ROR1: variants seen among roughly 807,000 people sequenced by gnomAD.
ROR1 encodes the protein inactive tyrosine-protein kinase transmembrane receptor ROR1.
In ROR1, 19 loss-of-function variants were observed where a neutral mutation model predicts 78.8. The ratio of observed to expected loss-of-function variants is 0.24; its 90% confidence interval spans 0.17 to 0.35. The LOEUF (loss-of-function observed/expected upper bound fraction) is 0.35. Ranked by LOEUF, ROR1 falls within the 10% of genes least tolerant of loss-of-function variation. The pLI, the probability that ROR1 is intolerant of heterozygous loss-of-function variation, is 1.00. For synonymous variants in ROR1, 386 were observed against 433.6 expected (o/e 0.89, Z 1.36); for missense variants, 917 against 1,177.8 (o/e 0.78, Z 3.24).
intron 1 of ROR1, among the ~76,000 whole-genome samples, chr1:63,990,522 T>C (rs772318687): frequency 1.3e-5 from 2 of 152,228 alleles, no homozygotes; most frequent in Non-Finnish European, 2.9e-5. Flanking sequence ...CTCATCTAAA[T>C]GTCTTTTCTT....
intron 1 of ROR1, among the ~76,000 whole-genome samples, chr1:63,913,806 C>T (rs1165492078): frequency 6.6e-6 from 1 of 152,174 alleles, no homozygotes; most frequent in African/African-American, 2.4e-5. Flanking sequence ...GGGAGGATGG[C>T]ATGACCAAGG....
chr1:63,821,191 C>T (rs1644921249), intron 1 of ROR1, among the ~76,000 whole-genome samples: 1 of 152,260 alleles, frequency 6.6e-6, no homozygotes, highest in Admixed American at 6.5e-5. Flanking sequence ...CACATTTAAC[C>T]ATGCTGTCCT....
At chr1:63,942,751 C>T (rs855937) in intron 1 of ROR1, among the ~76,000 whole-genome samples, 101,681 of 152,012 alleles carry the variant, frequency 0.67, 38,034 homozygotes, top group East Asian at 0.94. Flanking sequence ...TATTCTACCT[C>T]CTACTCTTCC....
At chr1:63,948,975 G>A (rs1645912343) in intron 1 of ROR1, among the ~76,000 whole-genome samples, 1 of 152,188 alleles carries the variant, frequency 6.6e-6, no homozygotes, top group Non-Finnish European at 1.5e-5. Context: ...AAGACACACA[G>A]TAAATTTTTC....
intron 8 of ROR1, among the ~76,000 whole-genome samples, chr1:64,164,595 C>CT (rs1232099699): frequency 1.3e-5 from 2 of 151,886 alleles, no homozygotes; most frequent in East Asian, 1.9e-4. Flanking sequence ...GAGTACAGAT[C>CT]TTTTTTTTAA....
At chr1:64,125,152 C>T (rs982117066) in intron 4 of ROR1, among the ~76,000 whole-genome samples, 2 of 152,122 alleles carry the variant, frequency 1.3e-5, no homozygotes, top group Admixed American at 6.6e-5. Context: ...GAACACTAAA[C>T]GTTTTTACGT....
chr1:63,972,267 C>A (rs543691967), intron 1 of ROR1, among the ~76,000 whole-genome samples: 13 of 152,236 alleles, frequency 8.5e-5, no homozygotes, highest in African/African-American at 2.9e-4. Flanking sequence ...AGGAATGTAG[C>A]ATTTTCATCC....
Position 63,961,418 on chromosome 1 carries a change from A to G in ROR1, c.92-47887A>G, listed in dbSNP as rs540024127. ...TATTGCTGCAGTATTCACAGTAGTCATAATATGGAATCAACCTAAGTGTCC... is the reference window on the plus strand; with the variant it reads ...TATTGCTGCAGTATTCACAGTAGTCGTAATATGGAATCAACCTAAGTGTCC... On this transcript the variant is annotated intron_variant, in intron 1 of 8. Coordinates refer to ENST00000371079, the MANE Select transcript of ROR1 (RefSeq NM_005012.4). 5.9e-5 allele frequency among the ~76,000 whole-genome samples: 9 copies of G among 152,354 alleles called. No homozygotes were observed. The South Asian group carries it at 1.9e-3, about 32-fold the overall frequency.
intron 5 of ROR1, 69 bp downstream of exon 5, chr1:64,137,565 G>A: frequency 4.7e-6 from 7 of 1,487,644 alleles, no homozygotes; most frequent in Non-Finnish European, 5.5e-6. Context: ...GTTTTATTGA[G>A]CTCCTCTCTT....
chr1:63,937,795 C>T (rs1459873299), intron 1 of ROR1, among the ~76,000 whole-genome samples: 2 of 152,158 alleles, frequency 1.3e-5, no homozygotes, highest in Non-Finnish European at 2.9e-5. Flanking sequence ...GTTCATGTGA[C>T]ATGGATTGCA....
intron 1 of ROR1, among the ~76,000 whole-genome samples, chr1:63,940,257 A>G (rs1645825497): frequency 6.6e-6 from 1 of 152,156 alleles, no homozygotes. Flanking sequence ...GGAAGGTACA[A>G]ATTAAGCCTG....
intron 1 of ROR1, among the ~76,000 whole-genome samples, chr1:63,908,775 T>TG (rs954335356): frequency 2.6e-5 from 4 of 152,206 alleles, no homozygotes; most frequent in African/African-American, 9.6e-5. Flanking sequence ...CAGCTCAGTC[T>TG]GCGTAGCTCC....
At chr1:64,046,345 T>A (rs917828108) in intron 2 of ROR1, among the ~76,000 whole-genome samples, 1 of 150,882 alleles carries the variant, frequency 6.6e-6, no homozygotes, top group Non-Finnish European at 1.5e-5. Context: ...ATTTGAAACT[T>A]CTTCTTCGTC....
At chr1:63,858,467 G>A (rs1163192222) in intron 1 of ROR1, among the ~76,000 whole-genome samples, 4 of 152,144 alleles carry the variant, frequency 2.6e-5, no homozygotes, top group Middle Eastern at 3.2e-3. Context: ...AAGACTGGGT[G>A]TATTTTGCAT....
intron 1 of ROR1, among the ~76,000 whole-genome samples, chr1:63,962,403 G>A (rs554078352): frequency 7.9e-5 from 12 of 152,352 alleles, no homozygotes; most frequent in Admixed American, 3.3e-4. Flanking sequence ...CTGAGAATAC[G>A]GAGATGAAAG....
chr1:63,836,649 A>C (rs753663294), intron 1 of ROR1, among the ~76,000 whole-genome samples: 11 of 152,234 alleles, frequency 7.2e-5, no homozygotes, highest in Non-Finnish European at 1.0e-4. Flanking sequence ...TGCACTTGGC[A>C]CTAATCAGAC....
At chr1:63,899,778 T>TA (rs1645470672) in intron 1 of ROR1, among the ~76,000 whole-genome samples, 1 of 151,816 alleles carries the variant, frequency 6.6e-6, no homozygotes, top group Non-Finnish European at 1.5e-5. Flanking sequence ...TTTACAAAGT[T>TA]CTTCTAATTT....
chr1:63,846,837 A>G (rs1197139908), intron 1 of ROR1, among the ~76,000 whole-genome samples: 1 of 152,212 alleles, frequency 6.6e-6, no homozygotes, highest in African/African-American at 2.4e-5. Context: ...CTAGAAGCTC[A>G]CTAACACTCC....
At chr1:63,925,849 T>A (rs905181525) in intron 1 of ROR1, among the ~76,000 whole-genome samples, 14 of 151,638 alleles carry the variant, frequency 9.2e-5, no homozygotes, top group African/African-American at 3.4e-4. Context: ...TCGCCCACTT[T>A]TTGATGGGGT....
Sources: allele counts gnomAD v4.1 joint callset (sites outside exome capture counted in the v4.1 genomes callset), GRCh38; gene constraint gnomAD v4.1.1; transcripts MANE v1.5; gene names NCBI Gene and HGNC (gene_info 2026-07-23, HGNC 2026-07-21).